Variants in TUBA8 observed in about 807,000 individuals in gnomAD.
The protein encoded by TUBA8 is tubulin alpha 8.
In TUBA8, 29 loss-of-function variants were observed where a neutral mutation model predicts 34.7. That is an observed-to-expected ratio of 0.84 (90% CI 0.62 to 1.14). The LOEUF is 1.14. Among genes scored for constraint, TUBA8 ranks in the 50% most tolerant of loss-of-function variants. The pLI is 0.00. For synonymous variants in TUBA8, 226 were observed against 231.2 expected, an observed-to-expected ratio of 0.98 and a Z score of 0.21; for missense variants, 541 against 599.2, an observed-to-expected ratio of 0.90 and a Z score of 1.01.
intron 4 of TUBA8, 154 bp from the exon 5 acceptor site, chr22:18,130,689 A>C (rs891307625): frequency 1.1e-6 from 1 of 937,750 alleles, no homozygotes; most frequent in East Asian, 2.6e-5. Flanking sequence ...TGGCTTCCCC[A>C]GTCCCATCCC....
rs1928306478 is a variant in TUBA8 at position 18,126,090 on chromosome 22, T to C, written c.376-264T>C. 7.8e-6 allele frequency: 4 copies of C among 513,788 alleles called. No individual in the cohort carries two copies. The highest frequency in any genetic ancestry group is 7.1e-5 in the East Asian group (2 of 28,104). The allele number at this position is 513,788 out of a possible 1,614,324, so 31.8% of individuals were successfully genotyped here. On this transcript the variant is annotated intron_variant, in intron 3 of 4. Coordinates refer to ENST00000330423, the MANE Select transcript of TUBA8 (RefSeq NM_018943.3). This position sits in a 1 kb window ranked among gnomAD's most constrained non-coding sequence, Gnocchi z 4.0. ...GTTGCCCATGCTGGTTGTGAACTCC[T>C]GGCCTCAATGGATCCTCCTGCCTCA...
In TUBA8 at chr22:18,110,833, C is replaced by T; in HGVS notation, c.-33C>T. The T allele has an allele frequency of 6.5e-7, 1 of 1,540,400 alleles. No individual in the cohort carries two copies. The highest frequency in any genetic ancestry group is 1.4e-5 in the African/African-American group (1 of 73,530). ...GAGCAGTCGGGGCGGGCAGGCCCAG[C>T]TGAGAGGTGCGCGGGCGAGGACAGC... On this transcript the variant is annotated 5_prime_UTR_variant, in exon 1 of 5. Transcript: ENST00000330423. The surrounding 1 kb of genome is among the most constrained non-coding windows in gnomAD (Gnocchi z 6.2).
chr22:18,129,585 C>T (rs1928434632), intron 4 of TUBA8: 1 of 152,234 alleles, frequency 6.6e-6, no homozygotes, highest in South Asian at 2.1e-4. Context: ...CCCTTCCCCA[C>T]TTTGCCCCTC....
chr22:18,114,379 T>C (rs146582475), intron 1 of TUBA8: 6 of 152,380 alleles, frequency 3.9e-5, no homozygotes, highest in African/African-American at 1.4e-4. Context: ...CTGCCCTAAC[T>C]GCAGTGCCTA....
In TUBA8 at chr22:18,111,143, G is replaced by A; in HGVS notation, c.3+275G>A. On this transcript the variant is annotated intron_variant, in intron 1 of 4. Transcript: ENST00000330423. The surrounding 1 kb of genome is among the most constrained non-coding windows in gnomAD (Gnocchi z 5.1). Reference sequence around the variant, plus strand: ...ACGAGGGGGAGGGAGGCCCTGGGGAGCCCGACGGAGAAGGGGGCGAGATTC... The same window carrying A: ...ACGAGGGGGAGGGAGGCCCTGGGGAACCCGACGGAGAAGGGGGCGAGATTC... 1 of 571,138 alleles carries A rather than the reference G, an allele frequency of 1.8e-6. No individual in the cohort carries two copies. Among genetic ancestry groups the A allele is most frequent in the Non-Finnish European group, 3.1e-6 (1 of 323,444 alleles). The allele number at this position is 571,138 out of a possible 1,614,324, so 35.4% of individuals were successfully genotyped here. A position where few individuals can be genotyped will look rare whatever the true frequency, so the allele number is the denominator to read the frequency against.
At position 18,111,357 on chromosome 22, in the gene TUBA8, G is replaced by T. The variant is rs936871319; in HGVS notation, c.3+489G>T. ...CGCCACGGTCCCCCCACGCGTGGAG[G>T]TCTTTCTCGCAAGCCTGGCCAGCGG... On this transcript the variant is annotated intron_variant, in intron 1 of 4. Coordinates refer to ENST00000330423, the MANE Select transcript of TUBA8 (RefSeq NM_018943.3). This position sits in a 1 kb window ranked among gnomAD's most constrained non-coding sequence, Gnocchi z 5.1. 1.8e-5 allele frequency: 3 copies of T among 163,656 alleles called. No homozygotes were observed. Among genetic ancestry groups the T allele is most frequent in the Admixed American group, 1.8e-4 (3 of 16,432 alleles). 10.1% of individuals were successfully genotyped at this position (163,656 alleles called of 1,614,324 possible).
intron 4 of TUBA8, chr22:18,128,573 G>A (rs1928409877): frequency 6.6e-6 from 1 of 152,214 alleles, no homozygotes; most frequent in Non-Finnish European, 1.5e-5. Flanking sequence ...CTGAGATGGA[G>A]TCTTGCTCTG....
At position 18,110,988 on chromosome 22, in the gene TUBA8, G is replaced by C. The variant is rs1016229712; in HGVS notation, c.3+120G>C. 2 of 1,477,370 alleles carry C rather than the reference G, an allele frequency of 1.4e-6. No homozygotes were observed. Among genetic ancestry groups the C allele is most frequent in the Non-Finnish European group, 1.8e-6 (2 of 1,096,802 alleles). 91.5% of individuals were successfully genotyped at this position (1,477,370 alleles called of 1,614,324 possible). On this transcript the variant is annotated intron_variant, in intron 1 of 4. Transcript: ENST00000330423. This position sits in a 1 kb window ranked among gnomAD's most constrained non-coding sequence, Gnocchi z 6.2. ...GAGCCGCAGGGCTCAAGGCCTTCTG[G>C]GGGTGGCAGTTCAGGGTCGAGGAGT... is the stretch of plus-strand genomic sequence containing the variant.
chr22:18,111,003 G>A lies in TUBA8; in HGVS notation c.3+135G>A, dbSNP rs551153964. The stretch of plus-strand genomic sequence containing the variant: ...AGGCCTTCTGGGGGTGGCAGTTCAG[G>A]GTCGAGGAGTCCGCACCCTCGGGCG... On this transcript the variant is annotated intron_variant, in intron 1 of 4. Transcript: ENST00000330423. The surrounding 1 kb of genome is among the most constrained non-coding windows in gnomAD (Gnocchi z 5.1). 1 of 1,367,810 alleles carries A rather than the reference G, an allele frequency of 7.3e-7. No individual in the cohort carries two copies. Among genetic ancestry groups the A allele is most frequent in the South Asian group, 1.3e-5 (1 of 79,948 alleles). 84.7% of individuals were successfully genotyped at this position (1,367,810 alleles called of 1,614,324 possible).
intron 4 of TUBA8, chr22:18,130,270 G>A (rs73876567): frequency 0.047 from 7,176 of 154,140 alleles, 240 homozygotes; most frequent in East Asian, 0.13. Flanking sequence ...TCTAGAATGC[G>A]TTTCCCTGTT....
chr22:18,126,219 T>C lies in TUBA8; in HGVS notation c.376-135T>C. The stretch of plus-strand genomic sequence containing the variant: ...ATCAATACAACTCCTTTTGTTTCCT[T>C]ACTTCTTCAAAGCTGTTTTGATTTC... On this transcript the variant is annotated intron_variant, in intron 3 of 4. Coordinates refer to ENST00000330423, the MANE Select transcript of TUBA8 (RefSeq NM_018943.3). The surrounding 1 kb of genome is among the most constrained non-coding windows in gnomAD (Gnocchi z 4.0). 1.2e-6 allele frequency: 1 copy of C among 848,186 alleles called. No individual in the cohort carries two copies. Among genetic ancestry groups the C allele is most frequent in the Non-Finnish European group, 1.9e-6 (1 of 517,752 alleles). The allele number at this position is 848,186 out of a possible 1,614,324, so 52.5% of individuals were successfully genotyped here.
At position 18,123,823 on chromosome 22, in the gene TUBA8, C is replaced by T. The variant is rs1468446578; in HGVS notation, c.227-333C>T. 3 of 344,026 alleles carry T rather than the reference C, an allele frequency of 8.7e-6. No homozygotes were observed. In the Admixed American group the frequency reaches 1.1e-4, roughly 13 times the overall value. The allele number at this position is 344,026 out of a possible 1,614,324, so 21.3% of individuals were successfully genotyped here. On this transcript the variant is annotated intron_variant, in intron 2 of 4. Coordinates refer to ENST00000330423, the MANE Select transcript of TUBA8 (RefSeq NM_018943.3). ...CTCCTAAGCTCAGGCAATCTGCCCG[C>T]CTCGGCCTCCCAAAGTGTTAGGATT...
At chr22:18,127,135 A>T (rs963750975) in intron 4 of TUBA8, 101 bp downstream of exon 4, 1 of 1,244,498 alleles carries the variant, frequency 8.0e-7, no homozygotes, top group African/African-American at 1.5e-5. Flanking sequence ...TTATGTGATG[A>T]TAAGGGGAGG....
chr22:18,118,181 A>G lies in TUBA8; in HGVS notation c.4-3298A>G, dbSNP rs953183575. ...CCAGTTCCCCATCAGTCTTTCACCT[A>G]ATGGTGTTGGCGTTCTTGTCCAAAT... On this transcript the variant is annotated intron_variant, in intron 1 of 4. Transcript: ENST00000330423. This position sits in a 1 kb window ranked among gnomAD's most constrained non-coding sequence, Gnocchi z 4.0. The G allele has an allele frequency of 1.3e-5, 2 of 152,092 alleles. No homozygotes were observed. Among genetic ancestry groups the G allele is most frequent in the Non-Finnish European group, 2.9e-5 (2 of 68,014 alleles). The allele number at this position is 152,092 out of a possible 1,614,324, so 9.4% of individuals were successfully genotyped here.
intron 4 of TUBA8, chr22:18,128,740 T>G (rs767513541): frequency 6.6e-6 from 1 of 152,304 alleles, no homozygotes; most frequent in East Asian, 1.9e-4. Context: ...AGAGATGGGG[T>G]TTCACCATGT....
At position 18,121,718 on chromosome 22, in the gene TUBA8, T is replaced by C. The variant is rs1433732090; in HGVS notation, c.226+17T>C. 1.9e-6 allele frequency: 3 copies of C among 1,605,672 alleles called. No homozygotes were observed. In the Admixed American group the frequency reaches 5.0e-5, roughly 27 times the overall value. On this transcript the variant is annotated intron_variant, in intron 2 of 4. Transcript: ENST00000330423. The surrounding 1 kb of genome is among the most constrained non-coding windows in gnomAD (Gnocchi z 4.8). ...CTGTAGTGGGTGAGTGGGGGCGGAG[T>C]TCCCCTCCACAGAGAACATCTCGAA...
intron 1 of TUBA8, chr22:18,120,868 G>A (rs975529670): frequency 1.3e-5 from 2 of 154,836 alleles, no homozygotes; most frequent in Non-Finnish European, 2.9e-5. Flanking sequence ...TTTTCCAATT[G>A]TTCAGCGTGC....
In TUBA8 at chr22:18,127,286, T is replaced by C; in HGVS notation, c.1056+252T>C. Reference sequence around the variant, plus strand: ...TTAATTGGTTAATCACCTTTGGTTTTGTTTACTGAGCAACAAGTAATGATT... The same window carrying C: ...TTAATTGGTTAATCACCTTTGGTTTCGTTTACTGAGCAACAAGTAATGATT... On this transcript the variant is annotated intron_variant, in intron 4 of 4. Coordinates refer to ENST00000330423, the MANE Select transcript of TUBA8 (RefSeq NM_018943.3). 5 of 493,874 alleles carry C rather than the reference T, an allele frequency of 1.0e-5. No individual in the cohort carries two copies. In the South Asian group the frequency reaches 1.5e-4, roughly 15 times the overall value. 30.6% of individuals were successfully genotyped at this position (493,874 alleles called of 1,614,324 possible). A position where few individuals can be genotyped will look rare whatever the true frequency, so the allele number is the denominator to read the frequency against.
chr22:18,114,889 A>G (rs1927920660), intron 1 of TUBA8: 1 of 152,178 alleles, frequency 6.6e-6, no homozygotes, highest in South Asian at 2.1e-4. Context: ...TCCTTTTGCC[A>G]AGGATGGTGA....
Sources: allele counts gnomAD v4.1 joint callset, GRCh38; gene constraint gnomAD v4.1.1; non-coding constraint Gnocchi (gnomAD v3.1); transcripts MANE v1.5; gene names NCBI Gene and HGNC (gene_info 2026-07-23, HGNC 2026-07-21).